SAMD12: variants seen among roughly 807,000 people sequenced by gnomAD.
The protein encoded by SAMD12 is sterile alpha motif domain-containing protein 12.
Under a neutral mutation model 15.0 loss-of-function variants are expected in SAMD12, and 9 were observed. The observed-to-expected ratio is 0.60, with a 90% CI of 0.36 to 1.05. The LOEUF (loss-of-function observed/expected upper bound fraction) is 1.05, where lower values mean the gene tolerates loss of function less well. SAMD12 is among the 50% of genes least tolerant of loss of function. The probability of loss-of-function intolerance (pLI) is 0.01; values close to 1 mark genes in which losing one functional copy is unlikely to be tolerated. For synonymous variants in SAMD12, 86 were observed against 90.1 expected (o/e 0.96, Z 0.25); for missense variants, 230 against 234.2 (o/e 0.98, Z 0.12).
intron 3 of SAMD12, among the ~76,000 whole-genome samples, chr8:118,399,672 T>C (rs1315277405): frequency 6.6e-6 from 1 of 152,198 alleles, no homozygotes; most frequent in Non-Finnish European, 1.5e-5. Context: ...ATCCTGCTTC[T>C]TTCATTTCCC....
intron 2 of SAMD12, among the ~76,000 whole-genome samples, chr8:118,440,285 G>A (rs942569925): frequency 2.6e-5 from 4 of 152,172 alleles, no homozygotes; most frequent in Admixed American, 6.6e-5. Context: ...TTAAAGGGGA[G>A]ACACAGCTGG....
intron 2 of SAMD12, among the ~76,000 whole-genome samples, chr8:118,503,746 C>G (rs773511260): frequency 1.3e-5 from 2 of 152,180 alleles, no homozygotes; most frequent in Non-Finnish European, 2.9e-5. Context: ...TCTGTCAATC[C>G]TCTGTTAGAA....
At chr8:118,144,984 G>T in the SAMD12 span, among the ~76,000 whole-genome samples, 1 of 152,202 alleles carries the variant, frequency 6.6e-6, no homozygotes, top group African/African-American at 2.4e-5. Context: ...TAGTGGGGAA[G>T]TTAGCTAGCT....
intron 4 of SAMD12, among the ~76,000 whole-genome samples, chr8:118,261,534 T>C (rs1187766129): frequency 6.6e-6 from 1 of 152,110 alleles, no homozygotes; most frequent in Non-Finnish European, 1.5e-5. Flanking sequence ...AGACCATCTT[T>C]TGGAACATCA....
At chr8:118,308,950 C>T (rs886149566) in intron 4 of SAMD12, among the ~76,000 whole-genome samples, 1 of 152,088 alleles carries the variant, frequency 6.6e-6, no homozygotes, top group Non-Finnish European at 1.5e-5. Context: ...TTAGGTAATA[C>T]AAAGACTTCA....
intron 4 of SAMD12, among the ~76,000 whole-genome samples, chr8:118,350,056 A>G (rs769832244): frequency 3.7e-4 from 56 of 152,170 alleles, no homozygotes; most frequent in Non-Finnish European, 6.5e-4. Context: ...TGAGCCCAGG[A>G]GGTCAAGGCT....
chr8:118,247,686 A>T (rs28365501), intron 4 of SAMD12, among the ~76,000 whole-genome samples: 7,099 of 152,018 alleles, frequency 0.047, 437 homozygotes, highest in East Asian at 0.22. Flanking sequence ...TCCACCTCCC[A>T]GGCTCAAGCA....
In SAMD12 at chr8:118,592,698, G is replaced by A. The variant is rs958261144; in HGVS notation, c.14-11805C>T. Among the ~76,000 whole-genome samples the A allele has an allele frequency of 2.6e-4, 39 of 152,222 alleles. No homozygotes were observed. The Middle Eastern group carries it at 0.027, about 106-fold the overall frequency. On this transcript the variant is annotated intron_variant, in intron 1 of 3. Transcript: ENST00000314727. ...TTTAATGATATTGATTTCTTCAAAA[G>A]TCAAATATCTAGATCATTTGTACAT...
intron 3 of SAMD12, among the ~76,000 whole-genome samples, chr8:118,436,933 G>C (rs1488882687): frequency 6.6e-6 from 1 of 152,164 alleles, no homozygotes; most frequent in East Asian, 1.9e-4. Context: ...GTGACAAGCT[G>C]CCATGCACCC....
intron 3 of SAMD12, among the ~76,000 whole-genome samples, chr8:118,391,683 T>C (rs1563822024): frequency 6.6e-6 from 1 of 152,200 alleles, no homozygotes; most frequent in East Asian, 1.9e-4. Flanking sequence ...TACTGAGGGA[T>C]TTGTATTTCC....
At chr8:118,356,709 G>A (rs1389344088) in intron 4 of SAMD12, among the ~76,000 whole-genome samples, 1 of 152,086 alleles carries the variant, frequency 6.6e-6, no homozygotes, top group African/African-American at 2.4e-5. Context: ...ACATCTAACT[G>A]CTTTATTGGG....
chr8:118,527,227 T>G (rs1825558561), intron 2 of SAMD12, among the ~76,000 whole-genome samples: 1 of 152,168 alleles, frequency 6.6e-6, no homozygotes, highest in Non-Finnish European at 1.5e-5. Context: ...CAAACTACTC[T>G]CCTCAGAGCT....
At chr8:118,515,686 C>A (rs1825222652) in intron 2 of SAMD12, among the ~76,000 whole-genome samples, 1 of 152,158 alleles carries the variant, frequency 6.6e-6, no homozygotes, top group Admixed American at 6.5e-5. Flanking sequence ...TCCTCACTGA[C>A]AAATTCCTTT....
intron 2 of SAMD12, among the ~76,000 whole-genome samples, chr8:118,440,683 C>A (rs1462160316): frequency 6.7e-6 from 1 of 148,716 alleles, no homozygotes; most frequent in African/African-American, 2.5e-5. Context: ...CACACACACA[C>A]ACACACACAC....
chr8:118,486,168 A>G (rs1407989620), intron 2 of SAMD12, among the ~76,000 whole-genome samples: 1 of 152,192 alleles, frequency 6.6e-6, no homozygotes, highest in South Asian at 2.1e-4. Context: ...TAATCCCAGC[A>G]CTTTGGGAGG....
intron 4 of SAMD12, among the ~76,000 whole-genome samples, chr8:118,203,503 A>C (rs1273290276): frequency 2.0e-5 from 3 of 152,058 alleles, no homozygotes; most frequent in African/African-American, 7.2e-5. Flanking sequence ...ACAACAGAAA[A>C]TTATCTGGCT....
At chr8:118,197,426 T>C in exon 5 of SAMD12, 1 of 534,344 alleles carries the variant, frequency 1.9e-6, no homozygotes, top group Non-Finnish European at 3.3e-6. Flanking sequence ...ACTTGAGTTA[T>C]GCACAGTGAT....
intron 2 of SAMD12, among the ~76,000 whole-genome samples, chr8:118,465,386 T>C (rs1167599510): frequency 6.6e-6 from 1 of 152,170 alleles, no homozygotes; most frequent in Non-Finnish European, 1.5e-5. Flanking sequence ...ACATTTTTTA[T>C]AGGGGCTAAA....
At chr8:118,465,109 G>A (rs1652262040) in intron 2 of SAMD12, among the ~76,000 whole-genome samples, 1 of 152,092 alleles carries the variant, frequency 6.6e-6, no homozygotes, top group African/African-American at 2.4e-5. Context: ...TTTCTTAAAA[G>A]GAGCAAATAT....
Sources: allele counts gnomAD v4.1 joint callset (sites outside exome capture counted in the v4.1 genomes callset), GRCh38; gene constraint gnomAD v4.1.1; transcripts MANE v1.5; gene names NCBI Gene and HGNC (gene_info 2026-07-23, HGNC 2026-07-21).